The following FBN1 variants were observed in gnomAD, a reference collection of about 807,000 sequenced individuals.
FBN1 encodes fibrillin-1.
FBN1 carries 29 observed loss-of-function variants against 365.1 expected under a neutral mutation model. That is an observed-to-expected ratio of 0.08 (90% CI 0.06 to 0.11). FBN1 has a LOEUF of 0.11. Among genes scored for constraint, FBN1 ranks in the 10% least tolerant of loss-of-function variants. The pLI is 1.00. For missense variants in FBN1, 2,476 were observed against 3,703.2 expected (o/e 0.67, Z 8.60); for synonymous variants, 1,210 against 1,270.5 (o/e 0.95, Z 1.01).
intron 24 of FBN1, 66 bp from the exon 25 acceptor site, chr15:48,490,144 A>T: frequency 2.3e-6 from 3 of 1,321,006 alleles, no homozygotes; most frequent in Non-Finnish European, 3.3e-6. Flanking sequence ...AACTGCCAAC[A>T]CTCTGTTAGG....
At chr15:48,627,977 G>C (rs1315091048) in intron 2 of FBN1, among the ~76,000 whole-genome samples, 1 of 152,158 alleles carries the variant, frequency 6.6e-6, no homozygotes, top group African/African-American at 2.4e-5. Flanking sequence ...CATACCTAAA[G>C]GGCTTCCAAA....
chr15:48,569,516 G>A (rs2044289065), intron 6 of FBN1, among the ~76,000 whole-genome samples: 1 of 152,128 alleles, frequency 6.6e-6, no homozygotes, highest in Non-Finnish European at 1.5e-5. Flanking sequence ...AGACTTGTAT[G>A]TGAATGTTAA....
intron 28 of FBN1, 56 bp from the exon 29 acceptor site, chr15:48,487,256 T>A (rs1312296599): frequency 6.2e-7 from 1 of 1,614,006 alleles, no homozygotes; most frequent in Non-Finnish European, 8.5e-7. Context: ...ACTTTGGCAA[T>A]GATGTCATTC....
intron 7 of FBN1, 133 bp downstream of exon 7, chr15:48,537,478 A>G (rs2044022380): frequency 1.9e-6 from 2 of 1,043,924 alleles, no homozygotes; most frequent in African/African-American, 1.6e-5. Context: ...CCTTAGTTGG[A>G]TATCATGCAG....
At chr15:48,517,574 T>C (rs1179041026) in intron 10 of FBN1, among the ~76,000 whole-genome samples, 1 of 152,246 alleles carries the variant, frequency 6.6e-6, no homozygotes, top group Admixed American at 6.5e-5. Context: ...AAATCATCTT[T>C]AGGTTTCCAC....
chr15:48,489,755 A>G, intron 25 of FBN1, 96 bp downstream of exon 25: 1 of 981,990 alleles, frequency 1.0e-6, no homozygotes, highest in Non-Finnish European at 1.6e-6. Flanking sequence ...CAAAAAGTCC[A>G]TGCTGGGATG....
chr15:48,630,123 T>C (rs1459114741), intron 2 of FBN1, among the ~76,000 whole-genome samples: 9 of 152,238 alleles, frequency 5.9e-5, no homozygotes, highest in African/African-American at 2.2e-4. Context: ...GTCCAGGGGA[T>C]GGATCCCCTT....
At chr15:48,603,774 C>G (rs1188708779) in intron 4 of FBN1, among the ~76,000 whole-genome samples, 3 of 152,130 alleles carry the variant, frequency 2.0e-5, no homozygotes, top group Non-Finnish European at 4.4e-5. Context: ...AAATTGAAAA[C>G]ACTAGGGGAA....
At chr15:48,426,259 G>A (rs939596408) in intron 58 of FBN1, among the ~76,000 whole-genome samples, 3 of 152,104 alleles carry the variant, frequency 2.0e-5, no homozygotes, top group African/African-American at 7.3e-5. Flanking sequence ...CTTTTGATGA[G>A]GAAACCCCAT....
rs374520085 is a variant in FBN1 at position 48,465,597 on chromosome 15, T to C, written c.4913A>G (p.Tyr1638Cys). Reference sequence around the variant, plus strand: ...ACACACTCGTGTATCTTCATTCAGGTAGTAGCCGGTTGGACAGCGGCACTG... The same window carrying C: ...ACACACTCGTGTATCTTCATTCAGGCAGTAGCCGGTTGGACAGCGGCACTG... ...SFQCRCPTGY[Y>C]LNEDTRVCDD... Residue 1638 changes from tyrosine (Y) to cysteine (C), a missense_variant, in exon 40 of 66, where the codon TAC becomes TGC. Around this residue, in one of 5 missense-constraint regions of FBN1, gnomAD observed 1,780 missense variants for 2,840.8 expected, o/e 0.63. Transcript: ENST00000316623. 1.2e-6 allele frequency: 2 copies of C among 1,614,150 alleles called. No individual in the cohort carries two copies. Among genetic ancestry groups the C allele is most frequent in the South Asian group, 1.1e-5 (1 of 91,082 alleles).
chr15:48,617,273 C>T (rs532683428), intron 2 of FBN1, among the ~76,000 whole-genome samples: 6 of 152,088 alleles, frequency 3.9e-5, no homozygotes, highest in African/African-American at 1.2e-4. Context: ...CTCCCGGGTT[C>T]GATAGATTTT....
chr15:48,503,991 A>AC (rs112223209), intron 16 of FBN1, 52 bp from the exon 17 acceptor site: 209 of 1,608,788 alleles, frequency 1.3e-4, no homozygotes, highest in Non-Finnish European at 1.7e-4. Context: ...ACAGATGAGA[A>AC]CCCCCCAAGT....
intron 6 of FBN1, among the ~76,000 whole-genome samples, chr15:48,567,601 G>C (rs576730888): frequency 3.2e-4 from 49 of 152,134 alleles, no homozygotes; most frequent in African/African-American, 1.1e-3. Flanking sequence ...TATATAAAAA[G>C]AAGTATTCAC....
rs1422019945 is a variant in FBN1, at chr15:48,435,728, G to GTA, written c.6497-1017_6497-1016dup. 1.1e-3 allele frequency among the ~76,000 whole-genome samples: 157 copies of GTA among 143,834 alleles called. 1 individual carries two copies. The highest frequency in any genetic ancestry group is 3.8e-3 in the African/African-American group (143 of 38,132). The allele number at this position is 143,834 out of a possible 152,430, so 94.4% of individuals were successfully genotyped here. On this transcript the variant is annotated intron_variant, in intron 53 of 65. Transcript: ENST00000316623. ...TATATATATGTGTGTATATATATGT[G>GTA]TATATATATGTGTGTATATATATGT...
At chr15:48,565,701 A>C (rs530632513) in intron 6 of FBN1, among the ~76,000 whole-genome samples, 78 of 152,220 alleles carry the variant, frequency 5.1e-4, no homozygotes, top group South Asian at 4.1e-3. Context: ...TATTTTGTAG[A>C]CTTCAAATGT....
At chr15:48,594,180 T>C (rs2044500323) in intron 6 of FBN1, among the ~76,000 whole-genome samples, 1 of 152,084 alleles carries the variant, frequency 6.6e-6, no homozygotes, top group Non-Finnish European at 1.5e-5. Context: ...CAAATGGAAA[T>C]AGAATTCTGG....
chr15:48,571,031 T>C (rs1036936807), intron 6 of FBN1, among the ~76,000 whole-genome samples: 1 of 152,204 alleles, frequency 6.6e-6, no homozygotes, highest in East Asian at 1.9e-4. Flanking sequence ...GCCAAAGATC[T>C]AGTATAAACT....
At chr15:48,434,021 C>A (rs1272072917) in intron 54 of FBN1, among the ~76,000 whole-genome samples, 1 of 152,208 alleles carries the variant, frequency 6.6e-6, no homozygotes, top group Admixed American at 6.6e-5. Flanking sequence ...GATGCTGATA[C>A]AGCTGCTCCT....
intron 2 of FBN1, among the ~76,000 whole-genome samples, chr15:48,623,507 T>C (rs1396112561): frequency 6.6e-6 from 1 of 152,208 alleles, no homozygotes; most frequent in African/African-American, 2.4e-5. Context: ...TATGTAAACA[T>C]TTGATTCTAT....
Sources: gnomAD v4.1 joint callset for allele counts (sites outside exome capture counted in the v4.1 genomes callset) on GRCh38, gnomAD v4.1.1 for gene constraint, gnomAD v4.1.1 regional missense constraint, MANE v1.5 for transcripts, NCBI Gene and HGNC (gene_info 2026-07-23, HGNC 2026-07-21) for gene names.